WDR89: variants seen among roughly 807,000 people sequenced by gnomAD.
WDR89 encodes the protein WD repeat domain 89.
WDR89 carries 17 observed loss-of-function variants against 29.1 expected under a neutral mutation model. The observed-to-expected ratio is 0.58, with a 90% CI of 0.40 to 0.88. WDR89 has a LOEUF of 0.88. Among genes scored for constraint, WDR89 ranks in the 40% least tolerant of loss-of-function variants. WDR89 has a pLI of 0.00. For synonymous variants in WDR89, 138 were observed against 157.8 expected (o/e 0.87, Z 0.94); for missense variants, 396 against 456.3 (o/e 0.87, Z 1.20).
rs1894883176 is a variant in WDR89 at position 63,598,316 on chromosome 14, A to C, written c.*463T>G. On this transcript the variant is annotated 3_prime_UTR_variant, in exon 3 of 3. Transcript: ENST00000620954. ...TTTACTCATTAAAATACTTACATTTAAATACTCCAGCATAATACATTAGGT... is the reference window on the plus strand; with the variant it reads ...TTTACTCATTAAAATACTTACATTTCAATACTCCAGCATAATACATTAGGT... The C allele has an allele frequency of 6.6e-6, 1 of 152,514 alleles. No individual in the cohort carries two copies. The highest frequency in any genetic ancestry group is 6.5e-5 in the Admixed American group (1 of 15,288). The allele number at this position is 152,514 out of a possible 1,614,324, so 9.4% of individuals were successfully genotyped here.
In WDR89 at chr14:63,598,191, CTACT is replaced by C. The variant is rs1289522805; in HGVS notation, c.*584_*587del. The C allele has an allele frequency of 9.2e-5, 14 of 152,196 alleles. No individual in the cohort carries two copies. Among genetic ancestry groups the C allele is most frequent in the African/African-American group, 2.4e-4 (10 of 41,458 alleles). 9.4% of individuals were successfully genotyped at this position (152,196 alleles called of 1,614,324 possible). ...TTTCAATCAGCAAAACACCTGTTTA[CTACT>C]TACTAACAATATTAAAGATGCAAAT... On this transcript the variant is annotated 3_prime_UTR_variant, in exon 3 of 3. Transcript: ENST00000620954.
chr14:63,633,305 T>C (rs1883525461), intron 1 of WDR89, among the ~76,000 whole-genome samples: 1 of 152,032 alleles, frequency 6.6e-6, no homozygotes, highest in African/African-American at 2.4e-5. Context: ...ACAATACAAA[T>C]GTTCCCCTAA....
At chr14:63,639,357 CAAAAAAAAAA>C (rs777712423) in intron 1 of WDR89, among the ~76,000 whole-genome samples, 1 of 64,700 alleles carries the variant, frequency 1.5e-5, no homozygotes, top group Admixed American at 1.9e-4. Context: ...TCATCTCTAC[CAAAAAAAAAA>C]AAAAAAAAAA....
Position 63,599,964 on chromosome 14 carries a change from T to TAGTTTTACA in WDR89, c.-23_-22insTGTAAAACT. 6.9e-7 allele frequency: 1 copy of TAGTTTTACA among 1,442,132 alleles called. No homozygotes were observed. Among genetic ancestry groups the TAGTTTTACA allele is most frequent in the East Asian group, 2.4e-5 (1 of 41,224 alleles). The allele number at this position is 1,442,132 out of a possible 1,614,324, so 89.3% of individuals were successfully genotyped here. ...CCATGTCAACAGCAGCATCCAAGGGTAGTAAAACTCTGTAAAAAATAATAA... is the reference window on the plus strand; with the variant it reads ...CCATGTCAACAGCAGCATCCAAGGGTAGTTTTACAAGTAAAACTCTGTAAAAAATAATAA... On this transcript the variant is annotated 5_prime_UTR_variant, in exon 3 of 3. Transcript: ENST00000620954.
chr14:63,614,636 T>TA (rs1294861153), intron 2 of WDR89, among the ~76,000 whole-genome samples: 1 of 152,184 alleles, frequency 6.6e-6, no homozygotes, highest in East Asian at 1.9e-4. Context: ...TACCTTGGGA[T>TA]AAAAAGCATA....
At chr14:63,601,279 G>A (rs1393295572) in intron 2 of WDR89, among the ~76,000 whole-genome samples, 1 of 151,702 alleles carries the variant, frequency 6.6e-6, no homozygotes, top group Non-Finnish European at 1.5e-5. Context: ...TAGAATCCTG[G>A]AGAAGTCCTT....
chr14:63,631,091 G>A (rs145498952), intron 1 of WDR89, among the ~76,000 whole-genome samples: 78 of 152,304 alleles, frequency 5.1e-4, no homozygotes, highest in South Asian at 4.6e-3. Flanking sequence ...AAATAGATAG[G>A]AGAGGACTGT....
chr14:63,609,445 C>T (rs569573412), intron 2 of WDR89, among the ~76,000 whole-genome samples: 5 of 152,198 alleles, frequency 3.3e-5, no homozygotes, highest in East Asian at 3.9e-4. Context: ...CAAATTGAGC[C>T]GGTGCTTTCT....
chr14:63,634,521 C>CAA (rs536589308), intron 1 of WDR89, among the ~76,000 whole-genome samples: 5,219 of 121,356 alleles, frequency 0.043, 313 homozygotes, highest in African/African-American at 0.14. Flanking sequence ...GACTCCCTCT[C>CAA]AAAAAAAAAA....
At chr14:63,604,114 G>A (rs936956382) in intron 2 of WDR89, among the ~76,000 whole-genome samples, 1 of 152,148 alleles carries the variant, frequency 6.6e-6, no homozygotes, top group African/African-American at 2.4e-5. Flanking sequence ...TCCTTACCCT[G>A]TTTCACTAAT....
intron 1 of WDR89, among the ~76,000 whole-genome samples, chr14:63,631,411 G>A (rs375923235): frequency 4.6e-5 from 7 of 152,084 alleles, no homozygotes; most frequent in African/African-American, 1.7e-4. Context: ...TGTGGCCCAG[G>A]CTGGAGTGCA....
intron 1 of WDR89, among the ~76,000 whole-genome samples, chr14:63,631,893 CCT>C (rs1342869096): frequency 6.6e-6 from 1 of 152,084 alleles, no homozygotes; most frequent in Non-Finnish European, 1.5e-5. Flanking sequence ...AGGCAGATCA[CCT>C]GAGGCCAGGA....
chr14:63,632,073 C>T (rs1883439894), intron 1 of WDR89, among the ~76,000 whole-genome samples: 1 of 151,624 alleles, frequency 6.6e-6, no homozygotes, highest in Non-Finnish European at 1.5e-5. Context: ...CAGTGCACCA[C>T]TGCACTCCAG....
intron 2 of WDR89, among the ~76,000 whole-genome samples, chr14:63,622,950 A>G (rs1211033421): frequency 6.6e-6 from 1 of 152,036 alleles, no homozygotes; most frequent in Non-Finnish European, 1.5e-5. Flanking sequence ...CTGTAATCCC[A>G]GCACTTTGGG....
rs1369276482 is a variant in WDR89 at position 63,598,142 on chromosome 14, T to C, written c.*637A>G. On this transcript the variant is annotated 3_prime_UTR_variant, in exon 3 of 3. Transcript: ENST00000620954. ...TTTCATTTTTGTATTTCACTTTGAGTCTCAATTTACCAAGATAACTTCCTT... is the reference window on the plus strand; with the variant it reads ...TTTCATTTTTGTATTTCACTTTGAGCCTCAATTTACCAAGATAACTTCCTT... 1 of 152,186 alleles carries C rather than the reference T, an allele frequency of 6.6e-6. No individual in the cohort carries two copies. The highest frequency in any genetic ancestry group is 1.5e-5 in the Non-Finnish European group (1 of 68,036). The allele number at this position is 152,186 out of a possible 1,614,324, so 9.4% of individuals were successfully genotyped here.
chr14:63,611,665 T>G (rs1161254022), intron 2 of WDR89, among the ~76,000 whole-genome samples: 1 of 152,026 alleles, frequency 6.6e-6, no homozygotes, highest in East Asian at 1.9e-4. Flanking sequence ...TCTGTACTAT[T>G]TTTGCAACTT....
intron 1 of WDR89, among the ~76,000 whole-genome samples, chr14:63,628,947 A>C (rs1566799486): frequency 6.7e-6 from 1 of 149,898 alleles, no homozygotes. Context: ...TCAAAAAAAA[A>C]ACAAAAAACA....
chr14:63,607,709 C>A (rs540485701), intron 2 of WDR89, among the ~76,000 whole-genome samples: 1 of 150,710 alleles, frequency 6.6e-6, no homozygotes, highest in East Asian at 2.0e-4. Context: ...TGGAGAAAAC[C>A]CATCTCTACT....
chr14:63,601,827 T>C lies in WDR89; in HGVS notation c.-31-1854A>G, dbSNP rs773600857. ...GTACGTAAACTGAAATAAGTCACTATTGAAATGGCATCAACATGAAGCTGC... is the reference window on the plus strand; with the variant it reads ...GTACGTAAACTGAAATAAGTCACTACTGAAATGGCATCAACATGAAGCTGC... On this transcript the variant is annotated intron_variant, in intron 2 of 2. Transcript: ENST00000620954. 43 of 955,610 alleles carry C rather than the reference T, an allele frequency of 4.5e-5. No individual in the cohort carries two copies. In the Middle Eastern group the frequency reaches 7.2e-4, roughly 16 times the overall value. The allele number at this position is 955,610 out of a possible 1,614,324, so 59.2% of individuals were successfully genotyped here.
Sources: gnomAD v4.1 joint callset for allele counts (sites outside exome capture counted in the v4.1 genomes callset) on GRCh38, gnomAD v4.1.1 for gene constraint, MANE v1.5 for transcripts, NCBI Gene and HGNC (gene_info 2026-07-23, HGNC 2026-07-21) for gene names.